PTPRD: variants seen among roughly 807,000 people sequenced by gnomAD.
The protein encoded by PTPRD is protein tyrosine phosphatase receptor type D.
Under a neutral mutation model 214.5 loss-of-function variants are expected in PTPRD, and 34 were observed. The observed-to-expected ratio is 0.16, with a 90% CI of 0.12 to 0.21. PTPRD has a LOEUF of 0.21. Among genes scored for constraint, PTPRD ranks in the 10% least tolerant of loss-of-function variants. The pLI, the probability that PTPRD is intolerant of heterozygous loss-of-function variation, is 1.00. For missense variants in PTPRD, 2,545 were observed against 2,398.7 expected, an observed-to-expected ratio of 1.06 and a Z score of -1.27; for synonymous variants, 1,128 against 845.7, an observed-to-expected ratio of 1.33 and a Z score of -5.79.
chr9:10,521,621 A>C (rs1339941940), intron 2 of PTPRD, among the ~76,000 whole-genome samples: 2 of 152,170 alleles, frequency 1.3e-5, no homozygotes, highest in Non-Finnish European at 2.9e-5. Flanking sequence ...CAATGCAACA[A>C]AATCATTCTT....
rs73398649 is a variant in PTPRD at position 9,821,480 on chromosome 9, T to C, written c.-367-54629A>G. Among the ~76,000 whole-genome samples the C allele has an allele frequency of 1.6e-3, 246 of 152,280 alleles. 1 individual carries two copies. The highest frequency in any genetic ancestry group is 5.8e-3 in the African/African-American group (239 of 41,564). On this transcript the variant is annotated intron_variant, in intron 5 of 45. Transcript: ENST00000381196. ...TTTCAAAACTTACCTGAATATTCCC[T>C]AGATATGTAGTTATATAAAGACTGT...
At chr9:10,395,292 C>T (rs1000803201) in intron 2 of PTPRD, among the ~76,000 whole-genome samples, 2 of 151,024 alleles carry the variant, frequency 1.3e-5, no homozygotes, top group African/African-American at 4.9e-5. Flanking sequence ...TGAGGCTTCC[C>T]TTCCTGTGTC....
At chr9:10,496,225 A>G (rs951811576) in intron 2 of PTPRD, among the ~76,000 whole-genome samples, 1 of 151,836 alleles carries the variant, frequency 6.6e-6, no homozygotes, top group Non-Finnish European at 1.5e-5. Flanking sequence ...GAATTTTTGT[A>G]AGAGCACTTG....
chr9:8,722,431 T>C (rs928474889), intron 12 of PTPRD, among the ~76,000 whole-genome samples: 4 of 152,198 alleles, frequency 2.6e-5, no homozygotes, highest in Admixed American at 2.6e-4. Flanking sequence ...TCATTTTATG[T>C]ATTACCTTAC....
chr9:10,154,947 T>C (rs1412825254), intron 3 of PTPRD, among the ~76,000 whole-genome samples: 5 of 152,144 alleles, frequency 3.3e-5, no homozygotes, highest in African/African-American at 1.2e-4. Context: ...TTTGGTCCCA[T>C]ATGAATTTAC....
chr9:9,606,377 A>G (rs1355839298), intron 7 of PTPRD, among the ~76,000 whole-genome samples: 1 of 152,070 alleles, frequency 6.6e-6, no homozygotes, highest in African/African-American at 2.4e-5. Context: ...ATTTCTTTAA[A>G]ACATAGTGTG....
chr9:8,727,057 A>C (rs2098590134), intron 12 of PTPRD, among the ~76,000 whole-genome samples: 1 of 152,180 alleles, frequency 6.6e-6, no homozygotes. Flanking sequence ...AAGAATGTTA[A>C]GGGAATAAAA....
At chr9:8,487,560 G>A (rs1487361570) in intron 27 of PTPRD, among the ~76,000 whole-genome samples, 1 of 152,060 alleles carries the variant, frequency 6.6e-6, no homozygotes, top group Non-Finnish European at 1.5e-5. Flanking sequence ...GCTCACACCA[G>A]TAATCCCAGC....
intron 7 of PTPRD, among the ~76,000 whole-genome samples, chr9:9,683,663 G>A (rs72706582): frequency 1.3e-3 from 197 of 151,652 alleles, no homozygotes; most frequent in Admixed American, 2.3e-3. Context: ...CTGCATTTTA[G>A]TATTAGATTT....
At chr9:9,416,409 T>G (rs775989759) in intron 8 of PTPRD, among the ~76,000 whole-genome samples, 6 of 152,206 alleles carry the variant, frequency 3.9e-5, no homozygotes, top group African/African-American at 1.4e-4. Context: ...ATGTCCTCTC[T>G]GATCCTTGGT....
chr9:9,743,526 G>A (rs1405841040), intron 6 of PTPRD, among the ~76,000 whole-genome samples: 1 of 151,938 alleles, frequency 6.6e-6, no homozygotes, highest in Non-Finnish European at 1.5e-5. Flanking sequence ...GACTTCATGG[G>A]CCATCTGACC....
At chr9:10,141,962 T>C (rs1266069430) in intron 3 of PTPRD, among the ~76,000 whole-genome samples, 1 of 152,032 alleles carries the variant, frequency 6.6e-6, no homozygotes, top group Non-Finnish European at 1.5e-5. Flanking sequence ...CCCTCAGAAA[T>C]AAGGCCGCAT....
At chr9:9,310,655 C>T (rs1386453989) in intron 9 of PTPRD, among the ~76,000 whole-genome samples, 2 of 152,052 alleles carry the variant, frequency 1.3e-5, no homozygotes, top group Admixed American at 6.6e-5. Context: ...TGGTGGCTCG[C>T]GCCTGTAATC....
At chr9:10,353,154 T>C (rs1020179895) in intron 2 of PTPRD, among the ~76,000 whole-genome samples, 2 of 151,994 alleles carry the variant, frequency 1.3e-5, no homozygotes, top group African/African-American at 2.4e-5. Flanking sequence ...CATCTCTATA[T>C]ACTCGGCTAA....
intron 3 of PTPRD, among the ~76,000 whole-genome samples, chr9:10,280,153 AT>A (rs934125045): frequency 7.0e-6 from 1 of 142,548 alleles, no homozygotes; most frequent in Non-Finnish European, 1.5e-5. Context: ...AAAAGCCTAG[AT>A]TTTTTTTGAT....
rs978831132 is a variant in PTPRD, at chr9:10,291,770, C to T, written c.-545+49193G>A. On this transcript the variant is annotated intron_variant, in intron 3 of 45. Coordinates refer to ENST00000381196, the MANE Select transcript of PTPRD (RefSeq NM_002839.4). ...AGGACTGTACAAAAATAATTTTGTG[C>T]TGTTTTAAGGTATTAGGTTTGTGGA... is the stretch of plus-strand genomic sequence containing the variant. 2.0e-5 allele frequency among the ~76,000 whole-genome samples: 3 copies of T among 152,106 alleles called. No homozygotes were observed. In the South Asian group the frequency reaches 6.2e-4, roughly 32 times the overall value.
chr9:8,854,238 C>A (rs959740730), intron 11 of PTPRD, among the ~76,000 whole-genome samples: 1 of 152,078 alleles, frequency 6.6e-6, no homozygotes, highest in African/African-American at 2.4e-5. Flanking sequence ...CCTAGGATCA[C>A]AAGTTAGAGC....
At chr9:9,033,218 T>C (rs184906599) in intron 10 of PTPRD, among the ~76,000 whole-genome samples, 19 of 152,216 alleles carry the variant, frequency 1.2e-4, no homozygotes, top group East Asian at 1.2e-3. Flanking sequence ...CCACAGTGCA[T>C]CCCTTTTCCA....
intron 2 of PTPRD, among the ~76,000 whole-genome samples, chr9:10,547,119 C>A (rs1048649525): frequency 1.3e-5 from 2 of 152,008 alleles, no homozygotes; most frequent in Admixed American, 6.6e-5. Flanking sequence ...TTCAAGTCAA[C>A]CTATAACATA....
Sources: gnomAD v4.1 joint callset for allele counts (sites outside exome capture counted in the v4.1 genomes callset) on GRCh38, gnomAD v4.1.1 for gene constraint, MANE v1.5 for transcripts, NCBI Gene and HGNC (gene_info 2026-07-23, HGNC 2026-07-21) for gene names.